TRRAP: variants seen among roughly 807,000 people sequenced by gnomAD.
TRRAP encodes transformation/transcription domain associated protein.
A neutral mutation model predicts 438.8 loss-of-function variants in TRRAP; 41 were observed. The observed-to-expected ratio is 0.09, with a 90% CI of 0.07 to 0.12. The LOEUF (loss-of-function observed/expected upper bound fraction) is 0.12, where lower values mean the gene tolerates loss of function less well. TRRAP is among the 10% of genes least tolerant of loss of function. The pLI is 1.00. For synonymous variants in TRRAP, 1,994 were observed against 1,962.9 expected, an observed-to-expected ratio of 1.02 and a Z score of -0.42; for missense variants, 3,122 against 5,055.1, an observed-to-expected ratio of 0.62 and a Z score of 11.60.
Position 98,948,823 on chromosome 7 carries a change from G to A in TRRAP, c.4788+138G>A. On this transcript the variant is annotated intron_variant, in intron 35 of 72. Transcript: ENST00000456197. This position sits in a 1 kb window ranked among gnomAD's most constrained non-coding sequence, Gnocchi z 4.9. ...CAGATCCATTTGAATATTGGAAACAGCATTGCTGTTTGGTTGTGTCTGTGA... is the reference window on the plus strand; with the variant it reads ...CAGATCCATTTGAATATTGGAAACAACATTGCTGTTTGGTTGTGTCTGTGA... The A allele has an allele frequency of 3.6e-6, 5 of 1,408,292 alleles. No individual in the cohort carries two copies. The highest frequency in any genetic ancestry group is 2.5e-5 in the East Asian group (1 of 40,804). 87.2% of individuals were successfully genotyped at this position (1,408,292 alleles called of 1,614,324 possible). A position where few individuals can be genotyped will look rare whatever the true frequency, so the allele number is the denominator to read the frequency against.
chr7:98,948,458 G>A lies in TRRAP; in HGVS notation c.4669-108G>A. On this transcript the variant is annotated intron_variant, in intron 34 of 72. Transcript: ENST00000456197. The surrounding 1 kb of genome is among the most constrained non-coding windows in gnomAD (Gnocchi z 4.9). ...ATAAAGACGTTCGATGTCAACATTT[G>A]CTTGTGGGTGTTCATGCACTCCAGT... is the stretch of plus-strand genomic sequence containing the variant. The A allele has an allele frequency of 3.1e-6, 5 of 1,610,008 alleles. No individual in the cohort carries two copies. The highest frequency in any genetic ancestry group is 4.2e-6 in the Non-Finnish European group (5 of 1,178,140).
chr7:98,993,458 G>T, intron 65 of TRRAP, 80 bp from the exon 66 acceptor site: 1 of 1,464,304 alleles, frequency 6.8e-7, no homozygotes, highest in Non-Finnish European at 9.3e-7. Context: ...CGCTCCTTTG[G>T]CCCATGGGTC....
intron 67 of TRRAP, among the ~76,000 whole-genome samples, chr7:99,000,707 T>C (rs1485310779): frequency 6.6e-6 from 1 of 152,230 alleles, no homozygotes; most frequent in Non-Finnish European, 1.5e-5. Context: ...TGTGTGGGCC[T>C]GTGAGCAATG....
chr7:98,892,593 G>A (rs1796025564), intron 5 of TRRAP, 65 bp downstream of exon 5: 2 of 1,357,192 alleles, frequency 1.5e-6, no homozygotes, highest in Non-Finnish European at 2.0e-6. Flanking sequence ...TTTTTCTTAT[G>A]GTAAATTTCA....
At chr7:98,981,401 C>T (rs1371119432) in intron 58 of TRRAP, among the ~76,000 whole-genome samples, 1 of 152,050 alleles carries the variant, frequency 6.6e-6, no homozygotes, top group Non-Finnish European at 1.5e-5. Flanking sequence ...GATTCCGTCT[C>T]AAAAAAATAA....
rs1796809618 is a variant in TRRAP at position 98,907,159 on chromosome 7, A to G, written c.1115+904A>G. On this transcript the variant is annotated intron_variant, in intron 13 of 72. Coordinates refer to ENST00000456197, the MANE Select transcript of TRRAP (RefSeq NM_001375524.1). ...ACCAACATGAAGAAACCCCTTCTCT[A>G]CTAAAAATACAAAATTAGCCAGGCG... Among the ~76,000 whole-genome samples, 3 of 152,248 alleles carry G rather than the reference A, an allele frequency of 2.0e-5. No individual in the cohort carries two copies. In the East Asian group the frequency reaches 5.8e-4, roughly 30 times the overall value.
intron 21 of TRRAP, among the ~76,000 whole-genome samples, chr7:98,922,812 C>T (rs1375007016): frequency 6.6e-6 from 1 of 151,000 alleles, no homozygotes; most frequent in Non-Finnish European, 1.5e-5. Flanking sequence ...GCTCCAGGCC[C>T]TCCCTTTGCT....
chr7:98,950,125 C>A lies in TRRAP; in HGVS notation c.5197C>A (p.Leu1733Ile). The A allele has an allele frequency of 6.2e-7, 1 of 1,614,176 alleles. No individual in the cohort carries two copies. The highest frequency in any genetic ancestry group is 8.5e-7 in the Non-Finnish European group (1 of 1,180,018). ...GCTCCGAGCCTTTACTGGTCGTTTT[C>A]TCTGCAACATGACATTCTTAAAAGA... Reference protein sequence around the residue: ...QLLRAFTGRFLCNMTFLKEYM... With the variant: ...QLLRAFTGRFICNMTFLKEYM... Residue 1733 changes from leucine to isoleucine, a missense_variant, in exon 38 of 73, where the codon CTC becomes ATC. Transcript: ENST00000456197.
chr7:98,978,647 A>T (rs942035338), intron 57 of TRRAP, 122 bp from the exon 58 acceptor site: 1 of 1,375,812 alleles, frequency 7.3e-7, no homozygotes, highest in Non-Finnish European at 1.0e-6. Flanking sequence ...ACAGAAGTCC[A>T]CTCTTACTGT....
chr7:98,943,335 G>C (rs1180424565), intron 31 of TRRAP, among the ~76,000 whole-genome samples: 2 of 152,096 alleles, frequency 1.3e-5, no homozygotes, highest in African/African-American at 4.8e-5. Context: ...GTATTTTCTA[G>C]CCTGTCCTTG....
chr7:99,008,609 C>T (rs1367662623), intron 70 of TRRAP, 48 bp downstream of exon 70: 2 of 1,596,194 alleles, frequency 1.3e-6, no homozygotes, highest in South Asian at 1.1e-5. Context: ...TGCAGCCCTC[C>T]TGTGTGGGGC....
chr7:98,935,700 T>C, intron 28 of TRRAP, 25 bp downstream of exon 28: 2 of 1,564,624 alleles, frequency 1.3e-6, no homozygotes, highest in Non-Finnish European at 8.8e-7. Flanking sequence ...ATCTACGGGG[T>C]ATAAAAGTGA....
intron 52 of TRRAP, 95 bp downstream of exon 52, chr7:98,970,386 C>T (rs929489145): frequency 4.8e-5 from 69 of 1,441,698 alleles, no homozygotes; most frequent in Non-Finnish European, 6.3e-5. Flanking sequence ...GACCCCGTGC[C>T]CCACGGGCAG....
intron 3 of TRRAP, among the ~76,000 whole-genome samples, chr7:98,885,733 G>T (rs1466934769): frequency 6.6e-6 from 1 of 152,020 alleles, no homozygotes; most frequent in Non-Finnish European, 1.5e-5. Context: ...GCATTTTATT[G>T]GAAGAACTGA....
In TRRAP at chr7:98,975,570, C is replaced by T. The variant is rs376610242; in HGVS notation, c.7840-579C>T. On this transcript the variant is annotated intron_variant, in intron 53 of 72. Coordinates refer to ENST00000456197, the MANE Select transcript of TRRAP (RefSeq NM_001375524.1). ...GCTGTGCCCTCCAGGCCCTCAGTTT[C>T]GACTTCGGGCTCTAGTTGTCCAGGC... 1.3e-4 allele frequency among the ~76,000 whole-genome samples: 20 copies of T among 152,340 alleles called. No individual in the cohort carries two copies. The East Asian group carries it at 3.9e-3, about 29-fold the overall frequency.
intron 7 of TRRAP, among the ~76,000 whole-genome samples, chr7:98,896,845 C>T (rs1449458285): frequency 2.6e-5 from 4 of 152,248 alleles, no homozygotes; most frequent in East Asian, 3.9e-4. Flanking sequence ...TGTCAAAGCC[C>T]GAGCGCTGCT....
intron 30 of TRRAP, 125 bp downstream of exon 30, chr7:98,937,945 T>A (rs1790628000): frequency 9.1e-7 from 1 of 1,099,918 alleles, no homozygotes; most frequent in Non-Finnish European, 1.2e-6. Flanking sequence ...GAGGCCGAGG[T>A]GGGTGGATCG....
intron 19 of TRRAP, 98 bp from the exon 20 acceptor site, chr7:98,917,325 G>A: frequency 1.3e-6 from 2 of 1,498,128 alleles, no homozygotes; most frequent in Non-Finnish European, 1.8e-6. Context: ...TTGTGCTGAT[G>A]TGCACAAGAG....
At position 99,012,498 on chromosome 7, in the gene TRRAP, G is replaced by A; in HGVS notation, c.*143G>A. The A allele has an allele frequency of 9.6e-7, 1 of 1,041,568 alleles. No homozygotes were observed. The highest frequency in any genetic ancestry group is 1.4e-6 in the Non-Finnish European group (1 of 738,902). 64.5% of individuals were successfully genotyped at this position (1,041,568 alleles called of 1,614,324 possible). On this transcript the variant is annotated 3_prime_UTR_variant, in exon 73 of 73. Coordinates refer to ENST00000456197, the MANE Select transcript of TRRAP (RefSeq NM_001375524.1). The surrounding 1 kb of genome is among the most constrained non-coding windows in gnomAD (Gnocchi z 5.9). ...GTTGCGGTTATTTTCCTGGTAGTTT[G>A]CGTGTAAGAAAGGGAGAATATAGTT...
Sources: gnomAD v4.1 joint callset for allele counts (sites outside exome capture counted in the v4.1 genomes callset) on GRCh38, gnomAD v4.1.1 for gene constraint, Gnocchi (gnomAD v3.1) non-coding constraint, MANE v1.5 for transcripts, NCBI Gene and HGNC (gene_info 2026-07-23, HGNC 2026-07-21) for gene names.